Variants in TCF7L2 observed in about 807,000 individuals in gnomAD.
The protein encoded by TCF7L2 is transcription factor 7 like 2.
TCF7L2 carries 23 observed loss-of-function variants against 77.9 expected under a neutral mutation model. The observed-to-expected ratio is 0.30, with a 90% CI of 0.21 to 0.42. The LOEUF (loss-of-function observed/expected upper bound fraction) is 0.42. TCF7L2 is among the 10% of genes least tolerant of loss of function. TCF7L2 has a pLI of 1.00. For synonymous variants in TCF7L2, 413 were observed against 340.2 expected, an observed-to-expected ratio of 1.21 and a Z score of -2.36; for missense variants, 654 against 793.1, an observed-to-expected ratio of 0.82 and a Z score of 2.11.
At chr10:113,118,544 T>TGTGA (rs1303647180) in intron 5 of TCF7L2, among the ~76,000 whole-genome samples, 1 of 151,702 alleles carries the variant, frequency 6.6e-6, no homozygotes, top group Non-Finnish European at 1.5e-5. Flanking sequence ...TGTGTGTGTG[T>TGTGA]GTGTGTGTGT....
chr10:113,086,438 T>C (rs2059842174), intron 5 of TCF7L2, among the ~76,000 whole-genome samples: 1 of 152,182 alleles, frequency 6.6e-6, no homozygotes, highest in Non-Finnish European at 1.5e-5. Context: ...GCACAGAGGC[T>C]TATTCAAGTC....
At chr10:113,153,224 G>A (rs11594610) in intron 11 of TCF7L2, among the ~76,000 whole-genome samples, 22,011 of 152,244 alleles carry the variant, frequency 0.14, 2,177 homozygotes, top group Admixed American at 0.23. Flanking sequence ...GCTGTCTTCC[G>A]GAGACTTCTG....
chr10:112,956,497 G>C (rs1384158979), intron 3 of TCF7L2, among the ~76,000 whole-genome samples: 1 of 152,032 alleles, frequency 6.6e-6, no homozygotes, highest in African/African-American at 2.4e-5. Context: ...ACATTTTAAA[G>C]TTTGGAAAAG....
chr10:113,148,541 G>A (rs897704639), intron 8 of TCF7L2, among the ~76,000 whole-genome samples: 12 of 152,172 alleles, frequency 7.9e-5, no homozygotes, highest in East Asian at 1.9e-4. Flanking sequence ...TAACAGAAAC[G>A]TGTCAACAGT....
chr10:113,148,948 G>T (rs2070114995), intron 8 of TCF7L2, among the ~76,000 whole-genome samples: 2 of 152,220 alleles, frequency 1.3e-5, no homozygotes, highest in South Asian at 4.1e-4. Context: ...TTTGGTGTAT[G>T]TACACACACG....
At chr10:112,965,826 T>C (rs115811547) in intron 4 of TCF7L2, among the ~76,000 whole-genome samples, 43 of 152,260 alleles carry the variant, frequency 2.8e-4, no homozygotes, top group African/African-American at 9.6e-4. Flanking sequence ...ACATTTTTAT[T>C]TGGTGCATTC....
chr10:113,056,446 A>G (rs2055393228), intron 5 of TCF7L2, among the ~76,000 whole-genome samples: 2 of 152,204 alleles, frequency 1.3e-5, no homozygotes, highest in African/African-American at 4.8e-5. Context: ...ATAGAAACAA[A>G]AAACCCGTCT....
intron 11 of TCF7L2, among the ~76,000 whole-genome samples, chr10:113,156,361 G>A (rs7077180): frequency 0.015 from 2,212 of 152,190 alleles, 46 homozygotes; most frequent in African/African-American, 0.05. Context: ...TGATCTGCCC[G>A]CCTTGGCCTC....
intron 4 of TCF7L2, among the ~76,000 whole-genome samples, chr10:112,972,111 A>T (rs2038405241): frequency 6.6e-6 from 1 of 152,138 alleles, no homozygotes; most frequent in South Asian, 2.1e-4. Flanking sequence ...TTGCTGCCTT[A>T]GAGTCTTCTG....
At chr10:113,075,322 G>T (rs2058567330) in intron 5 of TCF7L2, among the ~76,000 whole-genome samples, 1 of 152,072 alleles carries the variant, frequency 6.6e-6, no homozygotes, top group Non-Finnish European at 1.5e-5. Context: ...AGCCGGGAGT[G>T]GTGATGGGCA....
intron 4 of TCF7L2, among the ~76,000 whole-genome samples, chr10:113,037,286 C>T (rs2051471077): frequency 6.6e-6 from 1 of 152,048 alleles, no homozygotes; most frequent in African/African-American, 2.4e-5. Context: ...TTTGTGTGTA[C>T]CCAGCGGTTC....
intron 4 of TCF7L2, among the ~76,000 whole-genome samples, chr10:112,975,428 T>A (rs2039215621): frequency 6.6e-6 from 1 of 152,218 alleles, no homozygotes; most frequent in Non-Finnish European, 1.5e-5. Flanking sequence ...GGAGAATTCT[T>A]CGTTGCAGGG....
chr10:113,081,735 G>A (rs2059333373), intron 5 of TCF7L2, among the ~76,000 whole-genome samples: 1 of 152,220 alleles, frequency 6.6e-6, no homozygotes, highest in African/African-American at 2.4e-5. Flanking sequence ...GGGAGTGATA[G>A]CTGGTGCCAG....
At chr10:112,977,749 A>G (rs1450196595) in intron 4 of TCF7L2, among the ~76,000 whole-genome samples, 3 of 152,152 alleles carry the variant, frequency 2.0e-5, no homozygotes, top group Non-Finnish European at 2.9e-5. Context: ...AGAGGGGACC[A>G]CTTGGGGGAA....
chr10:113,129,583 A>G (rs2066228175), intron 5 of TCF7L2: 1 of 1,005,376 alleles, frequency 9.9e-7, no homozygotes, highest in Non-Finnish European at 1.2e-6. Context: ...TTTTTTAGGG[A>G]TGTGTGTACA....
intron 5 of TCF7L2, among the ~76,000 whole-genome samples, chr10:113,108,767 G>C (rs1188687353): frequency 1.3e-5 from 2 of 152,184 alleles, no homozygotes; most frequent in South Asian, 2.1e-4. Flanking sequence ...TCTGCAGGGA[G>C]GTTGCTGTTT....
chr10:113,107,767 A>C (rs1284158858), intron 5 of TCF7L2, among the ~76,000 whole-genome samples: 2 of 151,058 alleles, frequency 1.3e-5, no homozygotes, highest in African/African-American at 2.4e-5. Context: ...AAAAAAAAAA[A>C]AAAAAAAAAC....
At chr10:113,104,451 T>C (rs1269125730) in intron 5 of TCF7L2, among the ~76,000 whole-genome samples, 2 of 152,148 alleles carry the variant, frequency 1.3e-5, no homozygotes, top group Non-Finnish European at 2.9e-5. Context: ...GGGAGGGGCA[T>C]TGAGAAGCAC....
chr10:112,970,384 A>G (rs1018375115), intron 4 of TCF7L2, among the ~76,000 whole-genome samples: 2 of 151,620 alleles, frequency 1.3e-5, no homozygotes, highest in African/African-American at 4.8e-5. Flanking sequence ...CTCCTCCACC[A>G]TGAATCAGTA....
Sources: allele counts gnomAD v4.1 joint callset (sites outside exome capture counted in the v4.1 genomes callset), GRCh38; gene constraint gnomAD v4.1.1; transcripts MANE v1.5; gene names NCBI Gene and HGNC (gene_info 2026-07-23, HGNC 2026-07-21).